Variants in DOCK10 observed in about 807,000 individuals in gnomAD.
DOCK10 encodes dedicator of cytokinesis 10.
In DOCK10, 145 loss-of-function variants were observed where a neutral mutation model predicts 280.1. That is an observed-to-expected ratio of 0.52 (90% CI 0.45 to 0.59). The LOEUF (loss-of-function observed/expected upper bound fraction) is 0.59, where lower values mean the gene tolerates loss of function less well. Among genes scored for constraint, DOCK10 ranks in the 20% least tolerant of loss-of-function variants. The probability of loss-of-function intolerance (pLI) is 0.00; values close to 1 mark genes in which losing one functional copy is unlikely to be tolerated. For missense variants in DOCK10, 2,368 were observed against 2,651.7 expected (o/e 0.89, Z 2.35); for synonymous variants, 915 against 942.2 (o/e 0.97, Z 0.53).
intron 1 of DOCK10, among the ~76,000 whole-genome samples, chr2:225,014,198 T>A (rs1358060071): frequency 6.6e-6 from 1 of 151,274 alleles, no homozygotes; most frequent in Non-Finnish European, 1.5e-5. Flanking sequence ...TAAAGCCACA[T>A]TTTGCCTCTG....
rs1230080278 is a variant in DOCK10, at chr2:224,805,010, T to C, written c.4118+48A>G. ...AATGAAACATGGTATAGTGGACTATTTAGAAATTTCCAGAAAAAAGTGTTA... is the reference window on the plus strand; with the variant it reads ...AATGAAACATGGTATAGTGGACTATCTAGAAATTTCCAGAAAAAAGTGTTA... On this transcript the variant is annotated intron_variant, in intron 37 of 55. Coordinates refer to ENST00000258390, the MANE Select transcript of DOCK10 (RefSeq NM_014689.3). This position sits in a 1 kb window ranked among gnomAD's most constrained non-coding sequence, Gnocchi z 4.3. 2 of 1,506,112 alleles carry C rather than the reference T, an allele frequency of 1.3e-6. No individual in the cohort carries two copies. The highest frequency in any genetic ancestry group is 1.8e-6 in the Non-Finnish European group (2 of 1,112,768). The allele number at this position is 1,506,112 out of a possible 1,614,324, so 93.3% of individuals were successfully genotyped here.
At chr2:224,778,329 C>T in intron 50 of DOCK10, 45 bp from the exon 51 acceptor site, 1 of 1,549,878 alleles carries the variant, frequency 6.5e-7, no homozygotes, top group Non-Finnish European at 8.8e-7. Flanking sequence ...CAATGCTAAT[C>T]ATAAATCAAA....
intron 11 of DOCK10, among the ~76,000 whole-genome samples, chr2:224,867,439 C>T (rs1449510667): frequency 6.6e-6 from 1 of 152,230 alleles, no homozygotes; most frequent in Non-Finnish European, 1.5e-5. Context: ...GGCTTTCTCT[C>T]CCCATCAATT....
At chr2:224,958,855 C>T (rs1704202995) in intron 1 of DOCK10, among the ~76,000 whole-genome samples, 1 of 152,118 alleles carries the variant, frequency 6.6e-6, no homozygotes, top group Non-Finnish European at 1.5e-5. Context: ...AAGAGTATTG[C>T]ACTTTGTTTT....
intron 1 of DOCK10, among the ~76,000 whole-genome samples, chr2:224,993,782 T>C (rs1236268975): frequency 6.6e-6 from 1 of 152,150 alleles, no homozygotes; most frequent in Admixed American, 6.5e-5. Context: ...CAAATGGAGA[T>C]TGGCTCCAGG....
chr2:224,903,155 G>A (rs1424534937), intron 3 of DOCK10, among the ~76,000 whole-genome samples: 1 of 152,106 alleles, frequency 6.6e-6, no homozygotes, highest in Admixed American at 6.5e-5. Flanking sequence ...ACACTCTTGA[G>A]GCAGAAGTAC....
At chr2:224,817,695 CAGG>C (rs1182014294) in intron 29 of DOCK10, among the ~76,000 whole-genome samples, 1 of 151,796 alleles carries the variant, frequency 6.6e-6, no homozygotes, top group Non-Finnish European at 1.5e-5. Context: ...TCATGCATGA[CAGG>C]AGCACAAATG....
chr2:225,020,490 T>C (rs1559968637), intron 1 of DOCK10, among the ~76,000 whole-genome samples: 1 of 152,184 alleles, frequency 6.6e-6, no homozygotes, highest in Non-Finnish European at 1.5e-5. Context: ...ATTTTGTGTA[T>C]TATGATTGTT....
intron 2 of DOCK10, among the ~76,000 whole-genome samples, chr2:224,921,231 G>T (rs75363166): frequency 1.4e-5 from 2 of 147,450 alleles, no homozygotes; most frequent in South Asian, 2.2e-4. Context: ...GAACCTGGGA[G>T]GGGGAGGTTG....
chr2:224,881,588 T>C (rs963604244), intron 7 of DOCK10, among the ~76,000 whole-genome samples: 1 of 152,206 alleles, frequency 6.6e-6, no homozygotes, highest in Non-Finnish European at 1.5e-5. Context: ...AGTTAAACTT[T>C]GCAATTCATT....
rs143885841 is a variant in DOCK10, at chr2:224,777,013, T to G, written c.5802+1125A>C. Among the ~76,000 whole-genome samples the G allele has an allele frequency of 3.4e-3, 516 of 152,326 alleles. 3 individuals carry two copies. Among genetic ancestry groups the G allele is most frequent in the Non-Finnish European group, 4.6e-3 (316 of 68,024 alleles). ...AGGTCCTTCTCTTCTTAGCCCCATG[T>G]GAACTGTGAGCTCCAGAAGGAAAAG... On this transcript the variant is annotated intron_variant, in intron 51 of 55. Coordinates refer to ENST00000258390, the MANE Select transcript of DOCK10 (RefSeq NM_014689.3).
chr2:224,897,995 G>GA (rs983183024), intron 3 of DOCK10, among the ~76,000 whole-genome samples: 21 of 152,162 alleles, frequency 1.4e-4, no homozygotes, highest in Non-Finnish European at 2.9e-4. Flanking sequence ...GCATTAGGGG[G>GA]AAAATGAAGA....
At chr2:224,767,821 G>T (rs1690160801) in intron 55 of DOCK10, among the ~76,000 whole-genome samples, 1 of 152,150 alleles carries the variant, frequency 6.6e-6, no homozygotes, top group Admixed American at 6.5e-5. Context: ...CTATTGAGCA[G>T]ACAGCAGCCA....
chr2:224,820,505 T>C (rs1313795982), intron 28 of DOCK10, among the ~76,000 whole-genome samples: 2 of 152,346 alleles, frequency 1.3e-5, no homozygotes, highest in Admixed American at 6.5e-5. Context: ...TGAGTAAACA[T>C]GCTGCTTGGG....
intron 14 of DOCK10, among the ~76,000 whole-genome samples, chr2:224,859,712 T>A (rs1697376190): frequency 6.7e-6 from 1 of 149,188 alleles, no homozygotes; most frequent in South Asian, 2.1e-4. Flanking sequence ...TAGGGCACAC[T>A]GAAATCTACA....
chr2:224,952,893 A>G (rs965434215), intron 1 of DOCK10, among the ~76,000 whole-genome samples: 5 of 152,186 alleles, frequency 3.3e-5, no homozygotes, highest in African/African-American at 1.2e-4. Context: ...CGCCCGGCCT[A>G]TGTTATGTTT....
chr2:224,780,304 C>T (rs1445292743), intron 50 of DOCK10, among the ~76,000 whole-genome samples: 1 of 152,176 alleles, frequency 6.6e-6, no homozygotes, highest in East Asian at 1.9e-4. Context: ...TTTTCTGTTG[C>T]TGTCTTTGTG....
intron 7 of DOCK10, among the ~76,000 whole-genome samples, chr2:224,885,292 G>A (rs962842988): frequency 2.0e-5 from 3 of 152,146 alleles, no homozygotes; most frequent in African/African-American, 7.2e-5. Flanking sequence ...GAGCCCCTGC[G>A]CCTGGCCCTC....
chr2:224,796,938 C>T (rs1365896435), intron 43 of DOCK10, 26 bp downstream of exon 43: 4 of 1,602,978 alleles, frequency 2.5e-6, no homozygotes, highest in African/African-American at 1.3e-5. Context: ...TTAACAACAG[C>T]ATTAATGAAA....
Sources: gnomAD v4.1 joint callset for allele counts (sites outside exome capture counted in the v4.1 genomes callset) on GRCh38, gnomAD v4.1.1 for gene constraint, Gnocchi (gnomAD v3.1) non-coding constraint, MANE v1.5 for transcripts, NCBI Gene and HGNC (gene_info 2026-07-23, HGNC 2026-07-21) for gene names.